GALNT13: variants seen among roughly 807,000 people sequenced by gnomAD.
GALNT13 encodes UDP-GalNAc:polypeptide N-acetylgalactosaminyltransferase 13.
Under a neutral mutation model 64.2 loss-of-function variants are expected in GALNT13, and 28 were observed. That is an observed-to-expected ratio of 0.44 (90% CI 0.32 to 0.60). GALNT13 has a LOEUF of 0.60. Ranked by LOEUF, GALNT13 falls within the 20% of genes least tolerant of loss-of-function variation. The pLI is 0.05. For synonymous variants in GALNT13, 214 were observed against 224.6 expected (o/e 0.95, Z 0.42); for missense variants, 577 against 669.8 (o/e 0.86, Z 1.53).
chr2:153,468,996 T>G, the GALNT13 span, among the ~76,000 whole-genome samples: 1 of 152,128 alleles, frequency 6.6e-6, no homozygotes, highest in Admixed American at 6.6e-5. Context: ...AATCAAGAAT[T>G]ATTCACAAAG....
At chr2:154,326,584 A>C (rs1694886439) in intron 9 of GALNT13, among the ~76,000 whole-genome samples, 1 of 152,130 alleles carries the variant, frequency 6.6e-6, no homozygotes, top group Non-Finnish European at 1.5e-5. Flanking sequence ...AATATTTGCT[A>C]AAACAGCCCT....
At chr2:153,905,755 T>A (rs1229894077) in intron 2 of GALNT13, among the ~76,000 whole-genome samples, 1 of 152,048 alleles carries the variant, frequency 6.6e-6, no homozygotes, top group Non-Finnish European at 1.5e-5. Context: ...CTTTATTATT[T>A]TCTTAAAGGA....
At chr2:153,285,040 A>C in the GALNT13 span, among the ~76,000 whole-genome samples, 1 of 151,882 alleles carries the variant, frequency 6.6e-6, no homozygotes, top group African/African-American at 2.4e-5. Context: ...TATTTAAAAA[A>C]AAAAAAAAAA....
the GALNT13 span, among the ~76,000 whole-genome samples, chr2:153,720,188 C>T: frequency 6.8e-6 from 1 of 146,134 alleles, no homozygotes; most frequent in Non-Finnish European, 1.5e-5. Flanking sequence ...GAGGCACCCC[C>T]CAGCAGGGGC....
the GALNT13 span, among the ~76,000 whole-genome samples, chr2:153,735,238 T>C: frequency 6.6e-6 from 1 of 152,130 alleles, no homozygotes; most frequent in Admixed American, 6.6e-5. Flanking sequence ...AAAAGAACTT[T>C]GAATTTTGTC....
At chr2:153,458,538 C>T in the GALNT13 span, among the ~76,000 whole-genome samples, 5 of 152,128 alleles carry the variant, frequency 3.3e-5, no homozygotes, top group Non-Finnish European at 7.4e-5. Context: ...CCCAGCCTTC[C>T]TAGCCAGATT....
chr2:153,437,467 C>T, the GALNT13 span, among the ~76,000 whole-genome samples: 44,455 of 151,836 alleles, frequency 0.29, 7,549 homozygotes, highest in Non-Finnish European at 0.39. Flanking sequence ...GTCTAAGTCT[C>T]TTTGTAGGTC....
At chr2:153,121,382 T>A in the GALNT13 span, among the ~76,000 whole-genome samples, 2 of 152,352 alleles carry the variant, frequency 1.3e-5, no homozygotes, top group Non-Finnish European at 2.9e-5. Context: ...ACTTACACTC[T>A]ATTTTTTTCT....
the GALNT13 span, among the ~76,000 whole-genome samples, chr2:153,080,790 T>C: frequency 6.6e-6 from 1 of 152,098 alleles, no homozygotes; most frequent in African/African-American, 2.4e-5. Flanking sequence ...CTTTATGTAA[T>C]GTTTTGCTGT....
At chr2:153,465,141 A>G in the GALNT13 span, among the ~76,000 whole-genome samples, 1 of 152,142 alleles carries the variant, frequency 6.6e-6, no homozygotes, top group South Asian at 2.1e-4. Context: ...TGTGTCTACT[A>G]AGAATGCCTC....
the GALNT13 span, among the ~76,000 whole-genome samples, chr2:153,583,675 A>G: frequency 3.3e-5 from 5 of 152,160 alleles, no homozygotes; most frequent in African/African-American, 1.2e-4. Context: ...GACTGTGAGA[A>G]TTGTTCCAGG....
intron 9 of GALNT13, among the ~76,000 whole-genome samples, chr2:154,311,141 T>C: frequency 6.6e-6 from 1 of 152,138 alleles, no homozygotes; most frequent in East Asian, 1.9e-4. Context: ...GCACTTACTG[T>C]ATACTATCAA....
At chr2:153,162,577 C>T in the GALNT13 span, among the ~76,000 whole-genome samples, 1 of 152,252 alleles carries the variant, frequency 6.6e-6, no homozygotes, top group Admixed American at 6.5e-5. Flanking sequence ...ACTTCCACTA[C>T]AACTAAATGA....
At chr2:153,810,305 A>G in the GALNT13 span, among the ~76,000 whole-genome samples, 2 of 152,034 alleles carry the variant, frequency 1.3e-5, no homozygotes, top group African/African-American at 4.8e-5. Flanking sequence ...ATCCCCTACA[A>G]TTAGGCCAGA....
the GALNT13 span, among the ~76,000 whole-genome samples, chr2:153,218,411 G>A: frequency 6.6e-6 from 1 of 152,070 alleles, no homozygotes. Flanking sequence ...CTTCCTCTTA[G>A]TCGTTAAGAG....
At chr2:153,630,212 A>G in the GALNT13 span, among the ~76,000 whole-genome samples, 3 of 152,062 alleles carry the variant, frequency 2.0e-5, no homozygotes, top group South Asian at 2.1e-4. Flanking sequence ...TGTTTATTGC[A>G]GCACTATTCA....
the GALNT13 span, among the ~76,000 whole-genome samples, chr2:153,534,603 GT>G: frequency 1.3e-5 from 2 of 149,498 alleles, no homozygotes; most frequent in Non-Finnish European, 2.9e-5. Context: ...AAGAGAGTCA[GT>G]GAAGGGAGAT....
the GALNT13 span, among the ~76,000 whole-genome samples, chr2:153,457,465 T>C: frequency 2.0e-5 from 3 of 152,204 alleles, no homozygotes; most frequent in South Asian, 6.2e-4. Flanking sequence ...GCAGCTCAAA[T>C]TGAAAATGGG....
At chr2:153,155,144 G>A in the GALNT13 span, among the ~76,000 whole-genome samples, 83 of 152,288 alleles carry the variant, frequency 5.5e-4, no homozygotes, top group Non-Finnish European at 1.1e-3. Context: ...TTTTGTTGAA[G>A]AGTTTTGCAT....
Sources: gnomAD v4.1 joint callset for allele counts (sites outside exome capture counted in the v4.1 genomes callset) on GRCh38, gnomAD v4.1.1 for gene constraint, MANE v1.5 for transcripts, NCBI Gene and HGNC (gene_info 2026-07-23, HGNC 2026-07-21) for gene names.